Variants in SLC17A8 observed in about 807,000 individuals in gnomAD.
The protein encoded by SLC17A8 is solute carrier family 17 member 8.
Under a neutral mutation model 58.0 loss-of-function variants are expected in SLC17A8, and 31 were observed. That is an observed-to-expected ratio of 0.53 (90% CI 0.40 to 0.72). The LOEUF (loss-of-function observed/expected upper bound fraction) is 0.72. SLC17A8 is among the 30% of genes least tolerant of loss of function. The pLI, the probability that SLC17A8 is intolerant of heterozygous loss-of-function variation, is 0.00. For missense variants in SLC17A8, 655 were observed against 727.8 expected, an observed-to-expected ratio of 0.90 and a Z score of 1.15; for synonymous variants, 228 against 249.0, an observed-to-expected ratio of 0.92 and a Z score of 0.79.
chr12:100,363,282 G>C (rs1266532528), intron 1 of SLC17A8, among the ~76,000 whole-genome samples: 1 of 152,208 alleles, frequency 6.6e-6, no homozygotes, highest in African/African-American at 2.4e-5. Flanking sequence ...ATGATGGCGA[G>C]TGGGGCCACT....
chr12:100,372,185 T>C (rs1172939543), intron 1 of SLC17A8, among the ~76,000 whole-genome samples: 1 of 152,072 alleles, frequency 6.6e-6, no homozygotes, highest in Non-Finnish European at 1.5e-5. Flanking sequence ...CAAACAGAAA[T>C]TTATTTTCTC....
In SLC17A8 at chr12:100,380,823, G is replaced by T. The variant is rs559227009; in HGVS notation, c.224G>T (p.Arg75Leu). 1 of 1,614,080 alleles carries T rather than the reference G, an allele frequency of 6.2e-7. No individual in the cohort carries two copies. Among genetic ancestry groups the T allele is most frequent in the Non-Finnish European group, 8.5e-7 (1 of 1,180,016 alleles). ...TGCCACTGCTGCGGCCTCCCCAAGC[G>T]TTACATCATTGCTATCATGAGTGGG... ...CDCHCCGLPK[R>L]YIIAIMSGLG... is the part of the protein sequence containing the mutation. Residue 75 changes from arginine (R) to leucine (L), a missense_variant, in exon 2 of 12, where the codon CGT (arginine) becomes CTT (leucine). Physicochemically the swap from Arg to Leu is moderately radical, Grantham distance 102. Transcript: ENST00000323346.
chr12:100,402,199 T>C (rs1952796020), intron 6 of SLC17A8, 141 bp from the exon 7 acceptor site: 1 of 835,416 alleles, frequency 1.2e-6, no homozygotes. Context: ...ATGTATGAGA[T>C]GTCTGAGTCC....
intron 1 of SLC17A8, among the ~76,000 whole-genome samples, chr12:100,367,181 G>A (rs1351192374): frequency 6.6e-6 from 1 of 152,130 alleles, no homozygotes; most frequent in African/African-American, 2.4e-5. Flanking sequence ...TTTATAATCT[G>A]CTGTAACAGT....
chr12:100,404,601 T>C (rs555856121), intron 9 of SLC17A8, among the ~76,000 whole-genome samples: 115 of 152,198 alleles, frequency 7.6e-4, no homozygotes, highest in African/African-American at 2.7e-3. Context: ...AAGTGAATGT[T>C]AGGTGATTTC....
intron 1 of SLC17A8, among the ~76,000 whole-genome samples, chr12:100,359,676 G>A (rs1052945653): frequency 5.9e-5 from 9 of 152,146 alleles, no homozygotes; most frequent in Non-Finnish European, 1.0e-4. Context: ...TTGCTTGAGC[G>A]GTGATCCAAG....
rs1384734702 is a variant in SLC17A8, at chr12:100,402,442, C to T, written c.866C>T (p.Thr289Ile). Residue 289 changes from threonine to isoleucine, a missense_variant, in exon 7 of 12, where the codon ACA (threonine) becomes ATA (isoleucine). By Grantham distance (89) the Thr-to-Ile change is moderately conservative. Coordinates refer to ENST00000323346, the MANE Select transcript of SLC17A8 (RefSeq NM_139319.3). Reference protein sequence around the residue: ...ISNEEKTYIETSIGEGANVVS... With the variant: ...ISNEEKTYIEISIGEGANVVS... ...AATGAGGAGAAGACCTATATAGAGA[C>T]AAGCATAGGAGAGGGGGCCAACGTG... 6.2e-7 allele frequency: 1 copy of T among 1,614,030 alleles called. No individual in the cohort carries two copies. Among genetic ancestry groups the T allele is most frequent in the Non-Finnish European group, 8.5e-7 (1 of 1,180,000 alleles).
At chr12:100,359,740 G>T (rs1211025033) in intron 1 of SLC17A8, among the ~76,000 whole-genome samples, 1 of 152,140 alleles carries the variant, frequency 6.6e-6, no homozygotes. Context: ...CACGTGTTTG[G>T]CATTAATCAC....
At chr12:100,408,116 G>T (rs904554454) in intron 9 of SLC17A8, among the ~76,000 whole-genome samples, 1 of 152,122 alleles carries the variant, frequency 6.6e-6, no homozygotes, top group African/African-American at 2.4e-5. Context: ...AGAGAATTTT[G>T]GTTGGCTTTT....
intron 5 of SLC17A8, among the ~76,000 whole-genome samples, chr12:100,399,975 C>G (rs528803651): frequency 3.9e-5 from 6 of 152,286 alleles, no homozygotes; most frequent in African/African-American, 1.4e-4. Context: ...TCTGCCTCCC[C>G]TCCTCCAGCC....
chr12:100,414,777 T>C (rs912083910), intron 10 of SLC17A8, among the ~76,000 whole-genome samples: 2 of 152,336 alleles, frequency 1.3e-5, no homozygotes, highest in Admixed American at 6.5e-5. Flanking sequence ...TATTGTTCTA[T>C]TAGTACACAC....
intron 2 of SLC17A8, among the ~76,000 whole-genome samples, chr12:100,390,540 G>T (rs1208142961): frequency 6.6e-6 from 1 of 151,592 alleles, no homozygotes; most frequent in African/African-American, 2.4e-5. Flanking sequence ...AGTAGAGATG[G>T]GGTTTCACCG....
chr12:100,413,277 C>T (rs371913031), intron 10 of SLC17A8, among the ~76,000 whole-genome samples: 7 of 152,278 alleles, frequency 4.6e-5, no homozygotes, highest in East Asian at 1.9e-4. Flanking sequence ...AGTGTCATTA[C>T]AGTCATAGGA....
chr12:100,362,779 G>A (rs1467554186), intron 1 of SLC17A8, among the ~76,000 whole-genome samples: 3 of 152,118 alleles, frequency 2.0e-5, no homozygotes, highest in African/African-American at 7.2e-5. Context: ...ACAGACTCCA[G>A]GCCCCACTGT....
chr12:100,385,585 C>A (rs7316068), intron 2 of SLC17A8, among the ~76,000 whole-genome samples: 1 of 151,910 alleles, frequency 6.6e-6, no homozygotes, highest in African/African-American at 2.4e-5. Context: ...GGTAGTCAGT[C>A]GGGGAGAATC....
chr12:100,380,891 G>T lies in SLC17A8; in HGVS notation c.292G>T (p.Val98Phe). 6.2e-7 allele frequency: 1 copy of T among 1,614,156 alleles called. No individual in the cohort carries two copies. Among genetic ancestry groups the T allele is most frequent in the Non-Finnish European group, 8.5e-7 (1 of 1,180,030 alleles). Reference sequence around the variant, plus strand: ...CTTTGGGATCCGGTGCAATCTTGGAGTTGCCATTGTGGAAATGGTCAACAA... The same window carrying T: ...CTTTGGGATCCGGTGCAATCTTGGATTTGCCATTGTGGAAATGGTCAACAA... ...ISFGIRCNLG[V>F]AIVEMVNNST... The change falls in exon 2 of 12, where the codon GTT becomes TTT. Residue 98 changes from valine (V) to phenylalanine (F), a missense_variant. Coordinates refer to ENST00000323346, the MANE Select transcript of SLC17A8 (RefSeq NM_139319.3).
At chr12:100,370,491 T>C (rs1952551621) in intron 1 of SLC17A8, among the ~76,000 whole-genome samples, 1 of 148,902 alleles carries the variant, frequency 6.7e-6, no homozygotes, top group African/African-American at 2.5e-5. Flanking sequence ...GAGATGGAGT[T>C]TTGCCATGTT....
At chr12:100,381,797 G>C (rs1413084224) in intron 2 of SLC17A8, among the ~76,000 whole-genome samples, 1 of 152,062 alleles carries the variant, frequency 6.6e-6, no homozygotes, top group Non-Finnish European at 1.5e-5. Context: ...TTGTGACATA[G>C]AAACATATGG....
chr12:100,389,039 G>A (rs892372612), intron 2 of SLC17A8, among the ~76,000 whole-genome samples: 3 of 152,162 alleles, frequency 2.0e-5, no homozygotes, highest in East Asian at 3.9e-4. Context: ...CCAAGAAAAA[G>A]GGACCAGTTC....
Sources: allele counts gnomAD v4.1 joint callset (sites outside exome capture counted in the v4.1 genomes callset), GRCh38; gene constraint gnomAD v4.1.1; transcripts MANE v1.5; gene names NCBI Gene and HGNC (gene_info 2026-07-23, HGNC 2026-07-21).